Variants in HVCN1 observed in about 807,000 individuals in gnomAD.
HVCN1 encodes hydrogen voltage gated channel 1.
In HVCN1, 14 loss-of-function variants were observed where a neutral mutation model predicts 29.2. The ratio of observed to expected loss-of-function variants is 0.48; its 90% CI spans 0.32 to 0.75. HVCN1 has a LOEUF of 0.75. HVCN1 is among the 30% of genes least tolerant of loss of function. The pLI is 0.04. For synonymous variants in HVCN1, 131 were observed against 133.2 expected (o/e 0.98, Z 0.11); for missense variants, 263 against 341.8 (o/e 0.77, Z 1.82).
Position 110,661,304 on chromosome 12 carries a change from G to GCTCCTCCTC in HVCN1, c.157_165dup (p.Glu53_Glu55dup), listed in dbSNP as rs760596387. ...CCTGAGACTGGTGTGGGTGGTGGCT[G>GCTCCTCCTC]CTCCTCCTCCTCCTCCTCCTCTTCA... On this transcript the variant is annotated inframe_insertion, in exon 4 of 8. Coordinates refer to ENST00000242607, the MANE Select transcript of HVCN1 (RefSeq NM_032369.4). This position sits in a 1 kb window ranked among gnomAD's most constrained non-coding sequence, Gnocchi z 6.2. The GCTCCTCCTC allele has an allele frequency of 6.2e-7, 1 of 1,613,060 alleles. No homozygotes were observed. Among genetic ancestry groups the GCTCCTCCTC allele is most frequent in the Non-Finnish European group, 8.5e-7 (1 of 1,179,178 alleles).
chr12:110,659,554 A>G (rs1432612298), intron 4 of HVCN1, among the ~76,000 whole-genome samples: 3 of 152,166 alleles, frequency 2.0e-5, no homozygotes, highest in African/African-American at 7.2e-5. Flanking sequence ...AGGCTCTGCC[A>G]CCTTGGGGAT....
chr12:110,703,483 TA>T (rs1452181143), intron 1 of HVCN1, among the ~76,000 whole-genome samples: 1 of 152,180 alleles, frequency 6.6e-6, no homozygotes, highest in African/African-American at 2.4e-5. Flanking sequence ...AAATGGTATC[TA>T]AGACTTCAAA....
chr12:110,657,547 T>C (rs1046698405), intron 4 of HVCN1, among the ~76,000 whole-genome samples: 1 of 150,676 alleles, frequency 6.6e-6, no homozygotes, highest in African/African-American at 2.4e-5. Flanking sequence ...AACTAGATAG[T>C]GGTGACTTGT....
intron 3 of HVCN1, among the ~76,000 whole-genome samples, chr12:110,674,016 A>G (rs1442892499): frequency 2.0e-5 from 3 of 152,136 alleles, no homozygotes; most frequent in African/African-American, 7.2e-5. Context: ...TGCACCATAT[A>G]CCTGGAAAAG....
intron 4 of HVCN1, among the ~76,000 whole-genome samples, chr12:110,657,580 T>G (rs1380671176): frequency 6.6e-6 from 1 of 151,308 alleles, no homozygotes. Context: ...ATGTGTTAAA[T>G]AAATGCCACA....
chr12:110,691,080 T>C (rs777269776), upstream of HVCN1, among the ~76,000 whole-genome samples: 1 of 150,286 alleles, frequency 6.7e-6, no homozygotes, highest in Non-Finnish European at 1.5e-5. Flanking sequence ...TTTTTCTTTT[T>C]GAGGTGGAGT....
At chr12:110,673,372 C>T (rs186910938) in intron 3 of HVCN1, among the ~76,000 whole-genome samples, 1 of 152,216 alleles carries the variant, frequency 6.6e-6, no homozygotes, top group East Asian at 1.9e-4. Context: ...CTGTTAAAGG[C>T]ATTCAGTTGT....
chr12:110,677,881 C>A (rs1386363021), intron 3 of HVCN1, among the ~76,000 whole-genome samples: 1 of 152,108 alleles, frequency 6.6e-6, no homozygotes, highest in Non-Finnish European at 1.5e-5. Context: ...CAACTGTCTC[C>A]TTTTCTATAG....
Position 110,656,732 on chromosome 12 carries a change from T to C in HVCN1, c.307-1394A>G, listed in dbSNP as rs556512820. Among the ~76,000 whole-genome samples, 4 of 152,372 alleles carry C rather than the reference T, an allele frequency of 2.6e-5. No homozygotes were observed. The South Asian group carries it at 8.3e-4, about 32-fold the overall frequency. On this transcript the variant is annotated intron_variant, in intron 4 of 7. Coordinates refer to ENST00000242607, the MANE Select transcript of HVCN1 (RefSeq NM_032369.4). ...CAAGAACAGACTATTAATCCTTTGA[T>C]CCTTTCAACCTGTAGGTAATTATTT...
At chr12:110,672,049 C>T (rs182853238) in intron 3 of HVCN1, among the ~76,000 whole-genome samples, 8 of 152,274 alleles carry the variant, frequency 5.3e-5, no homozygotes, top group Non-Finnish European at 1.0e-4. Flanking sequence ...TTCCTTTCAT[C>T]TTTTGAAAAA....
chr12:110,656,411 A>T (rs1345800560), intron 4 of HVCN1, among the ~76,000 whole-genome samples: 1 of 152,156 alleles, frequency 6.6e-6, no homozygotes, highest in African/African-American at 2.4e-5. Context: ...TGGTGATGGC[A>T]GTCACGGTGA....
rs1460713112 is a variant in HVCN1 at position 110,661,516 on chromosome 12, C to T, written c.22-68G>A. ...CACTCAGAGCCCACATGGCCCAGGC[C>T]GGGCCAGGCCACTGCAGGTGAAGAT... On this transcript the variant is annotated intron_variant, in intron 3 of 7. Coordinates refer to ENST00000242607, the MANE Select transcript of HVCN1 (RefSeq NM_032369.4). This position sits in a 1 kb window ranked among gnomAD's most constrained non-coding sequence, Gnocchi z 6.2. 15 of 1,498,032 alleles carry T rather than the reference C, an allele frequency of 1.0e-5. No homozygotes were observed. The highest frequency in any genetic ancestry group is 5.5e-5 in the African/African-American group (4 of 72,706). The allele number at this position is 1,498,032 out of a possible 1,614,324, so 92.8% of individuals were successfully genotyped here.
At chr12:110,686,138 A>G (rs1477885370) in intron 2 of HVCN1, among the ~76,000 whole-genome samples, 1 of 151,922 alleles carries the variant, frequency 6.6e-6, no homozygotes, top group Non-Finnish European at 1.5e-5. Flanking sequence ...AGCTGGGATT[A>G]TAAGTGCCCA....
upstream of HVCN1, among the ~76,000 whole-genome samples, chr12:110,693,603 G>C (rs1360260459): frequency 6.6e-6 from 1 of 151,722 alleles, no homozygotes; most frequent in Non-Finnish European, 1.5e-5. Flanking sequence ...CAAAATCACA[G>C]ATGTTTTTAA....
At chr12:110,694,508 G>T (rs769804117), upstream of HVCN1, among the ~76,000 whole-genome samples, 5 of 152,208 alleles carry the variant, frequency 3.3e-5, no homozygotes, top group African/African-American at 4.8e-5. The surrounding 1 kb of genome is among the most constrained non-coding windows in gnomAD (Gnocchi z 4.6). Flanking sequence ...GCTGGTTTTG[G>T]TTCCTCCAAG....
At chr12:110,655,683 C>T (rs1461256636) in intron 4 of HVCN1, among the ~76,000 whole-genome samples, 7 of 151,880 alleles carry the variant, frequency 4.6e-5, no homozygotes, top group Non-Finnish European at 1.0e-4. Flanking sequence ...ACTGCCCATA[C>T]CTAGATGGCA....
At chr12:110,660,743 G>A (rs1487454880) in intron 4 of HVCN1, among the ~76,000 whole-genome samples, 1 of 152,146 alleles carries the variant, frequency 6.6e-6, no homozygotes, top group Non-Finnish European at 1.5e-5. Context: ...CTGTCTCTAT[G>A]GATTTGCCTG....
rs1169510453 is a variant in HVCN1 at position 110,676,408 on chromosome 12, C to T, written c.21+6817G>A. 6.6e-6 allele frequency among the ~76,000 whole-genome samples: 1 copy of T among 152,236 alleles called. No homozygotes were observed. On this transcript the variant is annotated intron_variant, in intron 3 of 7. Coordinates refer to ENST00000242607, the MANE Select transcript of HVCN1 (RefSeq NM_032369.4). This position sits in a 1 kb window ranked among gnomAD's most constrained non-coding sequence, Gnocchi z 4.1. ...GGCTGCCTTCCTCAGACAGGCCTGC[C>T]TGGCCTCCACTGGCATCTGGGAATT...
At chr12:110,666,723 G>A (rs2068374713) in intron 3 of HVCN1, among the ~76,000 whole-genome samples, 1 of 152,002 alleles carries the variant, frequency 6.6e-6, no homozygotes, top group Admixed American at 6.6e-5. Context: ...TCCCCAATCC[G>A]AGCTTCGCTT....
Sources: allele counts gnomAD v4.1 joint callset (sites outside exome capture counted in the v4.1 genomes callset), GRCh38; gene constraint gnomAD v4.1.1; non-coding constraint Gnocchi (gnomAD v3.1); transcripts MANE v1.5; gene names NCBI Gene and HGNC (gene_info 2026-07-23, HGNC 2026-07-21).